SCML4: variants seen among roughly 807,000 people sequenced by gnomAD.
The protein encoded by SCML4 is Scm polycomb group protein like 4.
In SCML4, 34 loss-of-function variants were observed where a neutral mutation model predicts 41.1. The observed-to-expected ratio is 0.83, with a 90% CI of 0.63 to 1.10. The LOEUF is 1.10. SCML4 is among the 50% of genes least tolerant of loss of function. SCML4 has a pLI of 0.00. For synonymous variants in SCML4, 214 were observed against 220.9 expected (o/e 0.97, Z 0.28); for missense variants, 522 against 534.1 (o/e 0.98, Z 0.22).
At chr6:107,773,409 T>C (rs964505038) in intron 1 of SCML4, among the ~76,000 whole-genome samples, 5 of 151,812 alleles carry the variant, frequency 3.3e-5, no homozygotes, top group African/African-American at 1.2e-4. Flanking sequence ...CTGGACAACA[T>C]AGCGAAACCC....
At chr6:107,743,951 T>C (rs1777823896) in intron 5 of SCML4, 2 of 152,188 alleles carry the variant, frequency 1.3e-5, no homozygotes, top group Non-Finnish European at 2.9e-5. Flanking sequence ...CCTGCAGATG[T>C]ATCTGTTTTT....
At chr6:107,809,844 G>T (rs7453859) in intron 1 of SCML4, among the ~76,000 whole-genome samples, 103,339 of 152,010 alleles carry the variant, frequency 0.68, 36,765 homozygotes, top group South Asian at 0.86. Flanking sequence ...ACATAATTAT[G>T]CACCTCTCTC....
chr6:107,771,740 A>C (rs929639433), intron 2 of SCML4, among the ~76,000 whole-genome samples: 1 of 152,196 alleles, frequency 6.6e-6, no homozygotes, highest in African/African-American at 2.4e-5. Flanking sequence ...GCCTGCTCAC[A>C]TTATTAATTT....
chr6:107,768,445 G>A (rs1445678935), intron 2 of SCML4, among the ~76,000 whole-genome samples: 1 of 152,206 alleles, frequency 6.6e-6, no homozygotes, highest in Admixed American at 6.5e-5. Flanking sequence ...ACATTTCAAG[G>A]ATGATAGCCT....
At chr6:107,833,570 C>A in the SCML4 span, among the ~76,000 whole-genome samples, 1 of 152,070 alleles carries the variant, frequency 6.6e-6, no homozygotes, top group Non-Finnish European at 1.5e-5. Context: ...CTTGGACTGA[C>A]CTACCAGTGA....
At chr6:107,817,397 A>C (rs972230983) in intron 1 of SCML4, among the ~76,000 whole-genome samples, 2 of 152,104 alleles carry the variant, frequency 1.3e-5, no homozygotes, top group Admixed American at 1.3e-4. Flanking sequence ...TGGGCAGATC[A>C]CCTAACGTCA....
At chr6:107,705,736 C>T (rs906392505) in intron 7 of SCML4, among the ~76,000 whole-genome samples, 7 of 152,178 alleles carry the variant, frequency 4.6e-5, no homozygotes, top group African/African-American at 1.7e-4. Context: ...CCTAATTTCT[C>T]ATTTCTTAGT....
intron 1 of SCML4, among the ~76,000 whole-genome samples, chr6:107,822,947 G>A (rs1293807518): frequency 6.6e-6 from 1 of 150,450 alleles, no homozygotes; most frequent in Non-Finnish European, 1.5e-5. Flanking sequence ...CCCCCAGATA[G>A]TTTAACACAC....
At chr6:107,720,153 T>G (rs1775222905) in intron 6 of SCML4, 1 of 964,650 alleles carries the variant, frequency 1.0e-6, no homozygotes, top group Non-Finnish European at 1.2e-6. Flanking sequence ...TCCTTTCTCC[T>G]GGGCAGAGCT....
intron 2 of SCML4, among the ~76,000 whole-genome samples, chr6:107,761,958 C>T (rs1295146655): frequency 2.0e-5 from 3 of 151,594 alleles, no homozygotes; most frequent in Non-Finnish European, 4.4e-5. Flanking sequence ...GTCTGATATA[C>T]AAAAATGAAG....
chr6:107,722,576 C>A (rs1775538098), intron 5 of SCML4, among the ~76,000 whole-genome samples: 1 of 152,100 alleles, frequency 6.6e-6, no homozygotes, highest in Non-Finnish European at 1.5e-5. Context: ...ACAACAACAA[C>A]AAAAACCAAT....
At chr6:107,741,297 C>A (rs769332788) in intron 5 of SCML4, among the ~76,000 whole-genome samples, 7 of 152,148 alleles carry the variant, frequency 4.6e-5, no homozygotes, top group Non-Finnish European at 8.8e-5. Context: ...ACGTTCAAGT[C>A]CCTCCCTCCA....
At chr6:107,793,527 G>A (rs1782495121) in intron 1 of SCML4, among the ~76,000 whole-genome samples, 1 of 152,186 alleles carries the variant, frequency 6.6e-6, no homozygotes, top group South Asian at 2.1e-4. Flanking sequence ...TGAATCCAGT[G>A]GAATCCTGTT....
chr6:107,731,560 C>T (rs571422403), intron 5 of SCML4, among the ~76,000 whole-genome samples: 9 of 152,272 alleles, frequency 5.9e-5, no homozygotes, highest in African/African-American at 1.7e-4. Context: ...ACAATCAGCA[C>T]GACCACCTTC....
At chr6:107,728,522 T>TCCC (rs1776219621) in intron 5 of SCML4, among the ~76,000 whole-genome samples, 1 of 152,126 alleles carries the variant, frequency 6.6e-6, no homozygotes, top group East Asian at 1.9e-4. Context: ...GGCAGGAGAA[T>TCCC]TGCTTGAACC....
intron 2 of SCML4, among the ~76,000 whole-genome samples, chr6:107,767,187 A>G (rs573442957): frequency 6.6e-6 from 1 of 151,842 alleles, no homozygotes; most frequent in South Asian, 2.1e-4. Context: ...CGATCTCCTG[A>G]CCTCGTGATC....
intron 1 of SCML4, among the ~76,000 whole-genome samples, chr6:107,815,151 C>T (rs1263909561): frequency 6.6e-6 from 1 of 152,148 alleles, no homozygotes; most frequent in Non-Finnish European, 1.5e-5. Context: ...TGACTGGCAG[C>T]TCTGATCCAC....
chr6:107,713,259 T>C (rs1359722089), intron 6 of SCML4, among the ~76,000 whole-genome samples: 2 of 152,046 alleles, frequency 1.3e-5, no homozygotes, highest in African/African-American at 2.4e-5. Flanking sequence ...AACAACAGAG[T>C]CATGTGGAGG....
chr6:107,706,941 C>A (rs1773694710), intron 7 of SCML4, among the ~76,000 whole-genome samples: 1 of 152,190 alleles, frequency 6.6e-6, no homozygotes, highest in South Asian at 2.1e-4. Context: ...GCTGAGCCCA[C>A]TGAGACCCAT....
Sources: gnomAD v4.1 joint callset for allele counts (sites outside exome capture counted in the v4.1 genomes callset) on GRCh38, gnomAD v4.1.1 for gene constraint, MANE v1.5 for transcripts, NCBI Gene and HGNC (gene_info 2026-07-23, HGNC 2026-07-21) for gene names.